The following CD247 variants were observed in gnomAD, a reference collection of about 807,000 sequenced individuals.
CD247 encodes the protein T-cell surface glycoprotein CD3 zeta chain.
Under a neutral mutation model 30.0 loss-of-function variants are expected in CD247, and 13 were observed. The observed-to-expected ratio is 0.43, with a 90% CI of 0.28 to 0.69. CD247 has a LOEUF of 0.69. Among genes scored for constraint, CD247 ranks in the 30% least tolerant of loss-of-function variants. CD247 has a pLI of 0.16. For synonymous variants in CD247, 72 were observed against 80.0 expected (o/e 0.90, Z 0.53); for missense variants, 193 against 212.6 (o/e 0.91, Z 0.57).
intron 1 of CD247, among the ~76,000 whole-genome samples, chr1:167,445,132 G>A (rs749318260): frequency 6.6e-6 from 1 of 152,022 alleles, no homozygotes; most frequent in Non-Finnish European, 1.5e-5. Flanking sequence ...TGCCATGTTG[G>A]TCAGGCTGGT....
rs397933635 is a variant in CD247, at chr1:167,514,610, AT to A, written c.58+3797del. 2.9e-3 allele frequency among the ~76,000 whole-genome samples: 432 copies of A among 149,558 alleles called. 3 individuals carry two copies. The highest frequency in any genetic ancestry group is 8.8e-3 in the African/African-American group (361 of 40,792). On this transcript the variant is annotated intron_variant, in intron 1 of 7. Transcript: ENST00000362089. Reference sequence around the variant, plus strand: ...ATTAACAGGTCTAATGACCGGTTTAATTTTTTTTTTTAACCATATTGAATGT... The same window carrying A: ...ATTAACAGGTCTAATGACCGGTTTAATTTTTTTTTTAACCATATTGAATGT...
At chr1:167,492,223 G>A (rs189425767) in intron 1 of CD247, among the ~76,000 whole-genome samples, 61 of 152,306 alleles carry the variant, frequency 4.0e-4, no homozygotes, top group Non-Finnish European at 6.8e-4. Context: ...TCAGGTGTAA[G>A]ACAGTCTTGT....
At chr1:167,514,729 G>A (rs1367582480) in intron 1 of CD247, among the ~76,000 whole-genome samples, 1 of 151,904 alleles carries the variant, frequency 6.6e-6, no homozygotes, top group Non-Finnish European at 1.5e-5. Context: ...ACTATTTCCG[G>A]TATTTATTAA....
chr1:167,469,349 G>C (rs915313162), intron 1 of CD247, among the ~76,000 whole-genome samples: 1 of 152,194 alleles, frequency 6.6e-6, no homozygotes, highest in Non-Finnish European at 1.5e-5. Flanking sequence ...GGCCCACAGA[G>C]CTAAGGAGTT....
chr1:167,463,275 C>G (rs1316662425), intron 1 of CD247, among the ~76,000 whole-genome samples: 1 of 152,148 alleles, frequency 6.6e-6, no homozygotes, highest in African/African-American at 2.4e-5. Context: ...AGTCTCCAGG[C>G]AGGCCAGGTA....
At chr1:167,434,428 A>G (rs1651426468) in intron 5 of CD247, 2 of 382,198 alleles carry the variant, frequency 5.2e-6, no homozygotes, top group African/African-American at 4.2e-5. Flanking sequence ...TTATCTGAGC[A>G]AGTTGTCTCT....
chr1:167,487,911 T>A (rs948146644), intron 1 of CD247, among the ~76,000 whole-genome samples: 13 of 152,026 alleles, frequency 8.6e-5, no homozygotes, highest in African/African-American at 3.1e-4. Context: ...ATTTTTAGAA[T>A]TTTTTTTGTA....
At chr1:167,498,269 TG>T in intron 1 of CD247, among the ~76,000 whole-genome samples, 1 of 152,334 alleles carries the variant, frequency 6.6e-6, no homozygotes, top group Non-Finnish European at 1.5e-5. Context: ...AAACCAACAA[TG>T]CCTTGACATC....
intron 1 of CD247, among the ~76,000 whole-genome samples, chr1:167,447,059 T>C (rs1402000207): frequency 6.6e-6 from 1 of 151,726 alleles, no homozygotes; most frequent in Non-Finnish European, 1.5e-5. Context: ...AGCTCAGTAG[T>C]GTGTAGACTT....
chr1:167,464,055 C>A (rs1653134664), intron 1 of CD247, among the ~76,000 whole-genome samples: 1 of 152,078 alleles, frequency 6.6e-6, no homozygotes. Context: ...CAAAAAGAAG[C>A]CCCTACGGTG....
chr1:167,464,874 A>C, intron 1 of CD247, among the ~76,000 whole-genome samples: 1 of 152,204 alleles, frequency 6.6e-6, no homozygotes, highest in East Asian at 1.9e-4. Context: ...CCAAGATCGC[A>C]CTATTTATCT....
At chr1:167,509,755 A>G (rs1187232762) in intron 1 of CD247, among the ~76,000 whole-genome samples, 23 of 152,232 alleles carry the variant, frequency 1.5e-4, no homozygotes, top group Admixed American at 1.4e-3. Flanking sequence ...AACAATGTCA[A>G]CAGTGGGTCT....
At chr1:167,511,841 G>A (rs115635877) in intron 1 of CD247, among the ~76,000 whole-genome samples, 294 of 152,026 alleles carry the variant, frequency 1.9e-3, no homozygotes, top group Admixed American at 3.6e-3. Flanking sequence ...CCAGACCTAC[G>A]AGCCTCACTT....
At chr1:167,456,005 AC>A (rs547184867) in intron 1 of CD247, among the ~76,000 whole-genome samples, 3 of 106,390 alleles carry the variant, frequency 2.8e-5, no homozygotes, top group Admixed American at 8.4e-5. Context: ...GGGCCTTCCC[AC>A]CCCCCGCCCC....
chr1:167,454,419 C>T (rs1652528618), intron 1 of CD247, among the ~76,000 whole-genome samples: 1 of 152,100 alleles, frequency 6.6e-6, no homozygotes, highest in Admixed American at 6.5e-5. Context: ...TAACATGAAC[C>T]CTTACATCAA....
chr1:167,451,876 G>T (rs1652365255), intron 1 of CD247, among the ~76,000 whole-genome samples: 1 of 152,146 alleles, frequency 6.6e-6, no homozygotes. Flanking sequence ...GGAGGCTGAG[G>T]TGGGTAGATA....
At chr1:167,473,207 A>G (rs1205651839) in intron 1 of CD247, among the ~76,000 whole-genome samples, 1 of 150,780 alleles carries the variant, frequency 6.6e-6, no homozygotes, top group Non-Finnish European at 1.5e-5. Flanking sequence ...TCCCTCTTAC[A>G]CCCTCTGGGT....
chr1:167,511,803 A>T (rs704856), intron 1 of CD247, among the ~76,000 whole-genome samples: 2 of 151,870 alleles, frequency 1.3e-5, no homozygotes. Flanking sequence ...ACCATGTTTG[A>T]GGCCTGGTTC....
At chr1:167,469,011 CTTTGT>C (rs1015908287) in intron 1 of CD247, among the ~76,000 whole-genome samples, 1 of 151,702 alleles carries the variant, frequency 6.6e-6, no homozygotes, top group African/African-American at 2.4e-5. Context: ...ATCTGTTTTG[CTTTGT>C]TTTGTCTTTT....
Sources: gnomAD v4.1 joint callset for allele counts (sites outside exome capture counted in the v4.1 genomes callset) on GRCh38, gnomAD v4.1.1 for gene constraint, MANE v1.5 for transcripts, NCBI Gene and HGNC (gene_info 2026-07-23, HGNC 2026-07-21) for gene names.